Variants in SAMD8 observed in about 807,000 individuals in gnomAD.
SAMD8 encodes sterile alpha motif domain containing 8, also known as sphingomyelin synthase-related protein 1.
A neutral mutation model predicts 42.0 loss-of-function variants in SAMD8; 20 were observed. The ratio of observed to expected loss-of-function variants is 0.48; its 90% CI spans 0.34 to 0.69. The LOEUF (loss-of-function observed/expected upper bound fraction) is 0.69. Ranked by LOEUF, SAMD8 falls within the 30% of genes least tolerant of loss-of-function variation. The probability of loss-of-function intolerance (pLI) is 0.01; values close to 1 mark genes in which losing one functional copy is unlikely to be tolerated. For synonymous variants in SAMD8, 162 were observed against 173.0 expected (o/e 0.94, Z 0.50); for missense variants, 328 against 511.6 (o/e 0.64, Z 3.46).
intron 1 of SAMD8, among the ~76,000 whole-genome samples, chr10:75,127,954 A>G (rs760863982): frequency 2.0e-5 from 3 of 152,002 alleles, no homozygotes; most frequent in Non-Finnish European, 4.4e-5. Flanking sequence ...TAAACCCTTT[A>G]CCGGTCTTTA....
intron 1 of SAMD8, among the ~76,000 whole-genome samples, chr10:75,119,544 A>T (rs1164868797): frequency 6.6e-6 from 1 of 152,228 alleles, no homozygotes; most frequent in Non-Finnish European, 1.5e-5. Context: ...TTTAAATACA[A>T]TCACAGAATT....
intron 2 of SAMD8, among the ~76,000 whole-genome samples, chr10:75,154,517 G>A (rs922475836): frequency 1.2e-4 from 19 of 152,188 alleles, no homozygotes; most frequent in African/African-American, 4.3e-4. Context: ...TCTGAGAGGA[G>A]ACAAGAAGCC....
At chr10:75,143,881 ATGT>A (rs767928196) in intron 1 of SAMD8, among the ~76,000 whole-genome samples, 20 of 150,224 alleles carry the variant, frequency 1.3e-4, no homozygotes, top group Non-Finnish European at 2.7e-4. Flanking sequence ...AAGCTGTTTG[ATGT>A]TGTTCCACCT....
chr10:75,109,949 C>T (rs996922100), upstream of SAMD8, among the ~76,000 whole-genome samples: 1 of 152,124 alleles, frequency 6.6e-6, no homozygotes, highest in African/African-American at 2.4e-5. Flanking sequence ...TCCTGAGTAG[C>T]TAGGATTACA....
intron 4 of SAMD8, among the ~76,000 whole-genome samples, chr10:75,170,990 A>C (rs546480623): frequency 1.7e-4 from 25 of 151,338 alleles, no homozygotes; most frequent in African/African-American, 5.8e-4. Flanking sequence ...CGAACTCCTG[A>C]CCTCAGGTGA....
intron 3 of SAMD8, among the ~76,000 whole-genome samples, chr10:75,165,083 G>A (rs1011731321): frequency 6.6e-6 from 1 of 151,844 alleles, no homozygotes; most frequent in Non-Finnish European, 1.5e-5. Flanking sequence ...CTGAGGTTAG[G>A]AGTTCGAGAC....
chr10:75,119,785 G>C (rs1848963197), intron 1 of SAMD8, among the ~76,000 whole-genome samples: 1 of 152,150 alleles, frequency 6.6e-6, no homozygotes, highest in African/African-American at 2.4e-5. Flanking sequence ...AATATTGTTA[G>C]CTGGGCACGG....
At chr10:75,162,447 C>T (rs1464096348) in intron 2 of SAMD8, among the ~76,000 whole-genome samples, 1 of 151,944 alleles carries the variant, frequency 6.6e-6, no homozygotes, top group East Asian at 1.9e-4. Context: ...GTCAGGATTT[C>T]GAGACCAGCC....
intron 1 of SAMD8, among the ~76,000 whole-genome samples, chr10:75,149,464 A>C (rs558993907): frequency 5.8e-4 from 88 of 152,354 alleles, no homozygotes; most frequent in Non-Finnish European, 1.1e-3. Context: ...TAAGAATAAA[A>C]TGCCCTATTC....
Position 75,181,106 on chromosome 10 carries a change from G to C in SAMD8, c.*4414G>C, listed in dbSNP as rs1405315050. On this transcript the variant is annotated 3_prime_UTR_variant, in exon 6 of 6. Transcript: ENST00000542569. The stretch of plus-strand genomic sequence containing the variant: ...AGTACTTTAAGGTATTCAGGCATTT[G>C]AGACAAGAAAGCTGTCTTGTAGAAT... 1 of 152,170 alleles carries C rather than the reference G, an allele frequency of 6.6e-6. No individual in the cohort carries two copies. Among genetic ancestry groups the C allele is most frequent in the African/African-American group, 2.4e-5 (1 of 41,432 alleles). The allele number at this position is 152,170 out of a possible 1,614,324, so 9.4% of individuals were successfully genotyped here.
In SAMD8 at chr10:75,128,981, T is replaced by C. The variant is rs562327008; in HGVS notation, c.-16+17259T>C. Among the ~76,000 whole-genome samples, 412 of 152,288 alleles carry C rather than the reference T, an allele frequency of 2.7e-3. 1 individual carries two copies. Among genetic ancestry groups the C allele is most frequent in the Admixed American group, 5.8e-3 (89 of 15,280 alleles). On this transcript the variant is annotated intron_variant, in intron 1 of 5. Transcript: ENST00000542569. ...GGTCTTTTAACAAAAGTTGACACTTTCGTAATATAGAAGCCCTACTTTTCC... is the reference window on the plus strand; with the variant it reads ...GGTCTTTTAACAAAAGTTGACACTTCCGTAATATAGAAGCCCTACTTTTCC...
chr10:75,106,613 G>A (rs1452230081), intron 1 of SAMD8, among the ~76,000 whole-genome samples: 1 of 152,176 alleles, frequency 6.6e-6, no homozygotes, highest in Non-Finnish European at 1.5e-5. Context: ...CACCCCCGCC[G>A]TGTGCTCCCA....
At chr10:75,149,835 C>T (rs1840240192) in intron 1 of SAMD8, among the ~76,000 whole-genome samples, 1 of 151,944 alleles carries the variant, frequency 6.6e-6, no homozygotes, top group South Asian at 2.1e-4. Flanking sequence ...TAAATTGTGA[C>T]TCATGCAGTG....
chr10:75,154,703 C>T (rs1161489367), intron 2 of SAMD8, among the ~76,000 whole-genome samples: 1 of 152,010 alleles, frequency 6.6e-6, no homozygotes, highest in Non-Finnish European at 1.5e-5. Flanking sequence ...ATCTAGAGAT[C>T]ATTTAAGAAT....
At chr10:75,172,484 G>A (rs753035686) in intron 4 of SAMD8, among the ~76,000 whole-genome samples, 4 of 151,338 alleles carry the variant, frequency 2.6e-5, no homozygotes, top group African/African-American at 9.7e-5. Flanking sequence ...ACAGGCACAC[G>A]CCACCACAGC....
chr10:75,155,891 A>G (rs766928700), intron 2 of SAMD8, among the ~76,000 whole-genome samples: 6 of 152,326 alleles, frequency 3.9e-5, no homozygotes, highest in Non-Finnish European at 7.3e-5. Context: ...CAATAGCACT[A>G]TGAGCACACA....
chr10:75,124,732 C>G (rs1295458763), intron 1 of SAMD8, among the ~76,000 whole-genome samples: 1 of 151,626 alleles, frequency 6.6e-6, no homozygotes, highest in Non-Finnish European at 1.5e-5. Flanking sequence ...TTCATTCTGT[C>G]TTCATGTCTG....
chr10:75,150,875 C>T lies in SAMD8; in HGVS notation c.347C>T (p.Ser116Phe). 1 of 1,613,122 alleles carries T rather than the reference C, an allele frequency of 6.2e-7. No homozygotes were observed. The highest frequency in any genetic ancestry group is 8.5e-7 in the Non-Finnish European group (1 of 1,179,474). ...GACTGGCTCTGTAATGGGGAGCTTT[C>T]CCATGACTGTGACGGACCCATAACT... ...STDWLCNGEL[S>F]HDCDGPITDL... The change falls in exon 2 of 6, where the codon TCC (serine) becomes TTC (phenylalanine). Residue 116 changes from serine (S) to phenylalanine (F), a missense_variant. Coordinates refer to ENST00000542569, the MANE Select transcript of SAMD8 (RefSeq NM_001174156.2).
At chr10:75,127,187 CAA>C (rs11441219) in intron 1 of SAMD8, among the ~76,000 whole-genome samples, 14 of 117,024 alleles carry the variant, frequency 1.2e-4, no homozygotes, top group Non-Finnish European at 1.1e-4. Flanking sequence ...GACTCTGTCT[CAA>C]AAAAAAAAAA....
Sources: gnomAD v4.1 joint callset for allele counts (sites outside exome capture counted in the v4.1 genomes callset) on GRCh38, gnomAD v4.1.1 for gene constraint, MANE v1.5 for transcripts, NCBI Gene and HGNC (gene_info 2026-07-23, HGNC 2026-07-21) for gene names.